KIF1A: variants seen among roughly 807,000 people sequenced by gnomAD.
KIF1A encodes kinesin family member 1A, also known as kinesin-like protein KIF1A.
In KIF1A, 46 loss-of-function variants were observed where a neutral mutation model predicts 227.3. The ratio of observed to expected loss-of-function variants is 0.20; its 90% CI spans 0.16 to 0.26. KIF1A has a LOEUF of 0.26. KIF1A is among the 10% of genes least tolerant of loss of function. KIF1A has a pLI of 1.00. For synonymous variants in KIF1A, 1,022 were observed against 1,012.8 expected, an observed-to-expected ratio of 1.01 and a Z score of -0.17; for missense variants, 1,683 against 2,485.9, an observed-to-expected ratio of 0.68 and a Z score of 6.87.
chr2:240,814,065 A>G (rs888498829), intron 1 of KIF1A, among the ~76,000 whole-genome samples: 1 of 152,230 alleles, frequency 6.6e-6, no homozygotes, highest in Non-Finnish European at 1.5e-5. Context: ...TTTAGAATAT[A>G]AACAAGGAGA....
At chr2:240,760,243 T>C (rs560361598) in intron 25 of KIF1A, among the ~76,000 whole-genome samples, 9 of 152,262 alleles carry the variant, frequency 5.9e-5, no homozygotes, top group South Asian at 2.1e-4. Flanking sequence ...CAAGGGGGCA[T>C]TCCTTCCATC....
At chr2:240,765,294 G>A (rs559952408) in intron 20 of KIF1A, among the ~76,000 whole-genome samples, 74 of 152,222 alleles carry the variant, frequency 4.9e-4, no homozygotes, top group Non-Finnish European at 9.3e-4. Context: ...GCTGCATTCA[G>A]AGACTGGAGC....
intron 15 of KIF1A, 80 bp downstream of exon 15, chr2:240,770,891 A>G: frequency 6.6e-7 from 1 of 1,525,690 alleles, no homozygotes; most frequent in South Asian, 1.2e-5. Flanking sequence ...TGTACCCAGG[A>G]GGGCAGGGTG....
rs544270351 is a variant in KIF1A at position 240,722,706 on chromosome 2, C to T, written c.4465-50G>A. ...CCTGCTGCACCTCAGGGGTGACCTC[C>T]GGAGTTGTGCTCAGCCTCAGCAGCA... On this transcript the variant is annotated intron_variant, in intron 42 of 48. Coordinates refer to ENST00000498729, the MANE Select transcript of KIF1A (RefSeq NM_001244008.2). The T allele has an allele frequency of 1.1e-5, 15 of 1,401,742 alleles. 1 individual carries two copies. Among genetic ancestry groups the T allele is most frequent in the South Asian group, 8.7e-5 (6 of 68,938 alleles). The allele number at this position is 1,401,742 out of a possible 1,614,324, so 86.8% of individuals were successfully genotyped here.
intron 1 of KIF1A, among the ~76,000 whole-genome samples, chr2:240,813,815 C>G (rs994324058): frequency 6.6e-6 from 1 of 152,132 alleles, no homozygotes; most frequent in Non-Finnish European, 1.5e-5. Context: ...AAGGGAAGGA[C>G]CAGAGCTGCC....
intron 28 of KIF1A, among the ~76,000 whole-genome samples, chr2:240,750,105 G>A (rs1051261987): frequency 2.0e-5 from 3 of 152,260 alleles, no homozygotes; most frequent in Non-Finnish European, 4.4e-5. Context: ...AACCAGAGCA[G>A]GCTCAGATGG....
intron 9 of KIF1A, 106 bp downstream of exon 9, chr2:240,782,938 G>A (rs748630042): frequency 1.4e-5 from 13 of 953,698 alleles, no homozygotes; most frequent in Admixed American, 5.2e-5. Flanking sequence ...CCTTGAACCT[G>A]GCCACCTCCC....
At chr2:240,755,300 G>A (rs934210912) in intron 27 of KIF1A, among the ~76,000 whole-genome samples, 107 of 152,344 alleles carry the variant, frequency 7.0e-4, no homozygotes, top group African/African-American at 2.3e-3. Context: ...CTGAAACCCA[G>A]CCCAAGAGAG....
intron 37 of KIF1A, 121 bp from the exon 38 acceptor site, chr2:240,737,289 T>A (rs762396595): frequency 1.3e-6 from 1 of 762,650 alleles, no homozygotes; most frequent in Non-Finnish European, 2.4e-6. Context: ...AGAGCGTCTG[T>A]CAAAGGCGGT....
rs566444044 is a variant in KIF1A at position 240,740,504 on chromosome 2, G to C, written c.3750-140C>G. 5 of 702,382 alleles carry C rather than the reference G, an allele frequency of 7.1e-6. No individual in the cohort carries two copies. The Admixed American group carries it at 9.5e-5, about 13-fold the overall frequency. The allele number at this position is 702,382 out of a possible 1,614,324, so 43.5% of individuals were successfully genotyped here. A position where few individuals can be genotyped will look rare whatever the true frequency, so the allele number is the denominator to read the frequency against. ...TGAAGATCAGGTGGTCTGATCCATG[G>C]AGACCACGGTCAGCTGAGCACAGAA... On this transcript the variant is annotated intron_variant, in intron 35 of 48. Transcript: ENST00000498729. This position sits in a 1 kb window ranked among gnomAD's most constrained non-coding sequence, Gnocchi z 6.1.
intron 13 of KIF1A, among the ~76,000 whole-genome samples, 155 bp from the exon 14 acceptor site, chr2:240,772,751 G>A (rs546802738): frequency 3.8e-4 from 58 of 152,276 alleles, no homozygotes; most frequent in African/African-American, 1.2e-3. Context: ...GCTCCAGAAC[G>A]CGGGGGACCT....
intron 1 of KIF1A, among the ~76,000 whole-genome samples, chr2:240,809,116 G>C (rs2057666172): frequency 6.6e-6 from 1 of 152,186 alleles, no homozygotes; most frequent in African/African-American, 2.4e-5. Flanking sequence ...TAACTTATTG[G>C]TGGAAAATAA....
intron 38 of KIF1A, among the ~76,000 whole-genome samples, chr2:240,731,652 C>T (rs1218351246): frequency 1.3e-5 from 2 of 152,206 alleles, no homozygotes; most frequent in African/African-American, 2.4e-5. Context: ...TCCACTCTCC[C>T]CTCCACCTCT....
chr2:240,773,534 G>T (rs535270814), intron 12 of KIF1A, among the ~76,000 whole-genome samples: 6 of 152,196 alleles, frequency 3.9e-5, no homozygotes, highest in Non-Finnish European at 5.9e-5. Context: ...GGTGAGAAGG[G>T]ACAGGGTGGT....
At chr2:240,782,115 GC>G in intron 10 of KIF1A, 1 of 985,312 alleles carries the variant, frequency 1.0e-6, no homozygotes, top group Non-Finnish European at 1.2e-6. Flanking sequence ...CCCCAGCGTC[GC>G]CCCAGGCAGC....
chr2:240,755,058 G>A (rs2049676603), intron 27 of KIF1A, among the ~76,000 whole-genome samples: 1 of 152,122 alleles, frequency 6.6e-6, no homozygotes, highest in Non-Finnish European at 1.5e-5. Flanking sequence ...CCCTTCCTGT[G>A]TTTCCTACCC....
intron 38 of KIF1A, among the ~76,000 whole-genome samples, chr2:240,727,209 G>A (rs2046122039): frequency 6.6e-6 from 1 of 152,106 alleles, no homozygotes; most frequent in Non-Finnish European, 1.5e-5. Context: ...CTGTCACGCT[G>A]AGGCTGGAAG....
At chr2:240,801,447 GATAAAAA>G (rs1208119267) in intron 1 of KIF1A, among the ~76,000 whole-genome samples, 1 of 152,114 alleles carries the variant, frequency 6.6e-6, no homozygotes, top group Non-Finnish European at 1.5e-5. Flanking sequence ...ATTTAAAACA[GATAAAAA>G]GAATAGGAAA....
Position 240,715,109 on chromosome 2 carries a change from G to A in KIF1A, c.*2255C>T, listed in dbSNP as rs1210485660. 2 of 152,438 alleles carry A rather than the reference G, an allele frequency of 1.3e-5. No individual in the cohort carries two copies. The highest frequency in any genetic ancestry group is 6.5e-5 in the Admixed American group (1 of 15,288). The allele number at this position is 152,438 out of a possible 1,614,324, so 9.4% of individuals were successfully genotyped here. On this transcript the variant is annotated 3_prime_UTR_variant, in exon 49 of 49. Transcript: ENST00000498729. ...CTCCTCTAGCCTGCCTGGGGCCCGT[G>A]GGGCTCCCCCTCATCTCAGACCAGC...
Sources: gnomAD v4.1 joint callset for allele counts (sites outside exome capture counted in the v4.1 genomes callset) on GRCh38, gnomAD v4.1.1 for gene constraint, Gnocchi (gnomAD v3.1) non-coding constraint, MANE v1.5 for transcripts, NCBI Gene and HGNC (gene_info 2026-07-23, HGNC 2026-07-21) for gene names.